The following TRAPPC9 variants were observed in gnomAD, a reference collection of about 807,000 sequenced individuals.
TRAPPC9 encodes the protein trafficking protein particle complex subunit 9.
A neutral mutation model predicts 124.0 loss-of-function variants in TRAPPC9; 83 were observed. That is an observed-to-expected ratio of 0.67 (90% CI 0.56 to 0.80). The LOEUF is 0.80. Among genes scored for constraint, TRAPPC9 ranks in the 30% least tolerant of loss-of-function variants. The probability of loss-of-function intolerance (pLI) is 0.00; values close to 1 mark genes in which losing one functional copy is unlikely to be tolerated. For synonymous variants in TRAPPC9, 638 were observed against 617.5 expected (o/e 1.03, Z -0.49); for missense variants, 1,302 against 1,508.3 (o/e 0.86, Z 2.27).
chr8:139,830,569 C>T (rs537092603), intron 21 of TRAPPC9, among the ~76,000 whole-genome samples: 1 of 151,910 alleles, frequency 6.6e-6, no homozygotes, highest in South Asian at 2.1e-4. Flanking sequence ...TGCAAATACA[C>T]ATGCACACAC....
intron 21 of TRAPPC9, among the ~76,000 whole-genome samples, chr8:139,868,330 T>C (rs1266804193): frequency 2.6e-5 from 4 of 152,156 alleles, no homozygotes; most frequent in African/African-American, 4.8e-5. Flanking sequence ...CACTCCAGCC[T>C]GGGCAACAGA....
intron 17 of TRAPPC9, among the ~76,000 whole-genome samples, chr8:140,173,423 G>A (rs1402845154): frequency 4.6e-5 from 7 of 151,976 alleles, no homozygotes; most frequent in Admixed American, 3.3e-4. Context: ...GCTTGGTGGC[G>A]GGTGCCTGTA....
chr8:139,876,074 T>C (rs564987330), intron 21 of TRAPPC9, among the ~76,000 whole-genome samples: 52 of 152,378 alleles, frequency 3.4e-4, no homozygotes, highest in Non-Finnish European at 6.8e-4. Context: ...CAGCAACTCG[T>C]AGCAGCCATT....
intron 15 of TRAPPC9, among the ~76,000 whole-genome samples, chr8:140,272,290 AGTT>A (rs150904235): frequency 0.24 from 34,321 of 141,524 alleles, 5,528 homozygotes; most frequent in East Asian, 0.87. Context: ...TGGTGGTGGC[AGTT>A]GTGACAGTGG....
intron 17 of TRAPPC9, among the ~76,000 whole-genome samples, chr8:140,180,679 A>ATT (rs11292362): frequency 2.2e-5 from 3 of 138,130 alleles, no homozygotes; most frequent in South Asian, 2.3e-4. Context: ...GTTAACAGCT[A>ATT]TTTTTTTTTT....
chr8:139,797,323 G>A, intron 21 of TRAPPC9, among the ~76,000 whole-genome samples: 1 of 152,122 alleles, frequency 6.6e-6, no homozygotes, highest in Non-Finnish European at 1.5e-5. Flanking sequence ...GCAGTGGCGT[G>A]ATCTTGGCTC....
intron 17 of TRAPPC9, among the ~76,000 whole-genome samples, chr8:140,043,171 A>C (rs1443375380): frequency 3.3e-5 from 5 of 152,194 alleles, no homozygotes; most frequent in African/African-American, 1.2e-4. Context: ...GAAAGGCTGA[A>C]TCCAGCATCT....
At chr8:140,458,561 C>T, upstream of TRAPPC9, 2 of 1,572,898 alleles carry the variant, frequency 1.3e-6, no homozygotes, top group East Asian at 2.4e-5. Context: ...CCAGCTGGCA[C>T]CATGGCACTC....
intron 5 of TRAPPC9, among the ~76,000 whole-genome samples, chr8:140,410,333 C>T (rs572688323): frequency 2.5e-4 from 38 of 151,982 alleles, no homozygotes; most frequent in East Asian, 3.9e-4. Context: ...GCCAGGAGTT[C>T]AAGACCAGCC....
At chr8:140,118,302 C>A (rs1235875628) in intron 17 of TRAPPC9, among the ~76,000 whole-genome samples, 1 of 152,186 alleles carries the variant, frequency 6.6e-6, no homozygotes, top group Non-Finnish European at 1.5e-5. Flanking sequence ...CACACTTTAC[C>A]CCCAGAATAT....
At chr8:140,397,047 TCA>T (rs2069116846) in intron 7 of TRAPPC9, among the ~76,000 whole-genome samples, 1 of 152,254 alleles carries the variant, frequency 6.6e-6, no homozygotes, top group East Asian at 1.9e-4. Flanking sequence ...TAACTTGGTC[TCA>T]GTTTCCCTAT....
At chr8:140,280,521 C>T (rs2065278074) in intron 14 of TRAPPC9, among the ~76,000 whole-genome samples, 1 of 152,102 alleles carries the variant, frequency 6.6e-6, no homozygotes, top group Admixed American at 6.5e-5. Flanking sequence ...CTCCGCCTCC[C>T]AGGTTCAAGC....
chr8:140,377,957 CAA>C (rs923452628), intron 7 of TRAPPC9, among the ~76,000 whole-genome samples: 1 of 141,326 alleles, frequency 7.1e-6, no homozygotes, highest in Admixed American at 7.1e-5. Flanking sequence ...AAGACTGTCT[CAA>C]AAAAAAAAAA....
rs1403083158 is a variant in TRAPPC9 at position 139,730,754 on chromosome 8, T to C, written c.*307A>G. 2 of 420,618 alleles carry C rather than the reference T, an allele frequency of 4.8e-6. No individual in the cohort carries two copies. Among genetic ancestry groups the C allele is most frequent in the Admixed American group, 7.6e-5 (2 of 26,204 alleles). 26.1% of individuals were successfully genotyped at this position (420,618 alleles called of 1,614,324 possible). A position where few individuals can be genotyped will look rare whatever the true frequency, so the allele number is the denominator to read the frequency against. Reference sequence around the variant, plus strand: ...CGGCTGGGGCCCCAGGTCACAGAAATGGGTGCAGGGATCCTGGGACCTGGG... The same window carrying C: ...CGGCTGGGGCCCCAGGTCACAGAAACGGGTGCAGGGATCCTGGGACCTGGG... On this transcript the variant is annotated 3_prime_UTR_variant, in exon 23 of 23. Transcript: ENST00000438773.
intron 18 of TRAPPC9, among the ~76,000 whole-genome samples, chr8:139,995,085 A>C (rs938502223): frequency 2.6e-5 from 4 of 152,328 alleles, no homozygotes; most frequent in Admixed American, 2.0e-4. Flanking sequence ...GAATGCACTG[A>C]GCTGAAGATG....
intron 18 of TRAPPC9, among the ~76,000 whole-genome samples, chr8:139,995,298 A>C (rs1837893314): frequency 6.6e-6 from 1 of 152,190 alleles, no homozygotes; most frequent in Admixed American, 6.5e-5. Context: ...AAGTGGGAAA[A>C]GGTACTATGA....
At chr8:140,270,349 C>T (rs773442996) in intron 15 of TRAPPC9, among the ~76,000 whole-genome samples, 20 of 152,228 alleles carry the variant, frequency 1.3e-4, no homozygotes, top group South Asian at 2.1e-4. Flanking sequence ...CTACGTCCTC[C>T]ACTCAGCCAA....
chr8:139,831,841 G>C (rs1464511785), intron 21 of TRAPPC9, among the ~76,000 whole-genome samples: 1 of 152,250 alleles, frequency 6.6e-6, no homozygotes, highest in Non-Finnish European at 1.5e-5. Flanking sequence ...CTGCAGTAGG[G>C]AGAGCGGAAG....
intron 17 of TRAPPC9, among the ~76,000 whole-genome samples, chr8:140,084,724 G>C (rs1254496779): frequency 6.6e-6 from 1 of 152,236 alleles, no homozygotes; most frequent in African/African-American, 2.4e-5. Flanking sequence ...TGGCCCCTCA[G>C]CCAGGTGATG....
Sources: gnomAD v4.1 joint callset for allele counts (sites outside exome capture counted in the v4.1 genomes callset) on GRCh38, gnomAD v4.1.1 for gene constraint, MANE v1.5 for transcripts, NCBI Gene and HGNC (gene_info 2026-07-23, HGNC 2026-07-21) for gene names.